DNAJC11: variants seen among roughly 807,000 people sequenced by gnomAD.
DNAJC11 encodes the protein DnaJ heat shock protein family (Hsp40) member C11.
In DNAJC11, 15 loss-of-function variants were observed where a neutral mutation model predicts 78.6. That is an observed-to-expected ratio of 0.19 (90% CI 0.13 to 0.29). The LOEUF (loss-of-function observed/expected upper bound fraction) is 0.29. DNAJC11 is among the 10% of genes least tolerant of loss of function. The pLI is 1.00. For synonymous variants in DNAJC11, 292 were observed against 272.1 expected (o/e 1.07, Z -0.72); for missense variants, 547 against 709.6 (o/e 0.77, Z 2.60).
intron 1 of DNAJC11, among the ~76,000 whole-genome samples, chr1:6,696,388 A>C (rs1642836336): frequency 6.6e-6 from 1 of 152,210 alleles, no homozygotes; most frequent in South Asian, 2.1e-4. Flanking sequence ...ATTTCTGCAG[A>C]TGGCTGAGTC....
Position 6,635,561 on chromosome 1 carries a change from T to TATA in DNAJC11, c.*111_*113dup. 2 of 1,142,374 alleles carry TATA rather than the reference T, an allele frequency of 1.8e-6. No individual in the cohort carries two copies. Among genetic ancestry groups the TATA allele is most frequent in the East Asian group, 5.1e-5 (2 of 38,882 alleles). The allele number at this position is 1,142,374 out of a possible 1,614,324, so 70.8% of individuals were successfully genotyped here. ...CATAATTGATAATGGTACCACCTTC[T>TATA]ATAATAATAATATAAAATAAAAACA... is the stretch of plus-strand genomic sequence containing the variant. On this transcript the variant is annotated 3_prime_UTR_variant, in exon 16 of 16. Coordinates refer to ENST00000377577, the MANE Select transcript of DNAJC11 (RefSeq NM_018198.4).
chr1:6,657,923 G>A (rs1449045158), intron 4 of DNAJC11, among the ~76,000 whole-genome samples: 3 of 152,234 alleles, frequency 2.0e-5, no homozygotes, highest in South Asian at 2.1e-4. Flanking sequence ...GGGATTACAG[G>A]CGTGAGCCCC....
chr1:6,676,235 A>G (rs1166207089), intron 3 of DNAJC11, among the ~76,000 whole-genome samples: 1 of 152,198 alleles, frequency 6.6e-6, no homozygotes, highest in Non-Finnish European at 1.5e-5. Flanking sequence ...CAAATTGGAC[A>G]GCCCAGCCCC....
At chr1:6,665,907 C>A (rs1227256993) in intron 4 of DNAJC11, among the ~76,000 whole-genome samples, 1 of 152,196 alleles carries the variant, frequency 6.6e-6, no homozygotes, top group African/African-American at 2.4e-5. Context: ...GCCAGACCTC[C>A]CTCCGGGCAC....
At chr1:6,640,132 C>T in intron 10 of DNAJC11, 75 bp from the exon 11 acceptor site, 1 of 1,468,760 alleles carries the variant, frequency 6.8e-7, no homozygotes, top group Non-Finnish European at 9.0e-7. Flanking sequence ...AATGGGGTGT[C>T]AGGCACAGGA....
chr1:6,677,034 G>A (rs1642474665), intron 3 of DNAJC11, among the ~76,000 whole-genome samples: 1 of 151,942 alleles, frequency 6.6e-6, no homozygotes, highest in Non-Finnish European at 1.5e-5. Flanking sequence ...TTAGCTGGGT[G>A]TAGTGGCGCA....
chr1:6,686,701 C>A (rs1177943860), intron 1 of DNAJC11, among the ~76,000 whole-genome samples: 2 of 152,208 alleles, frequency 1.3e-5, no homozygotes, highest in Admixed American at 6.5e-5. Flanking sequence ...AAGCAAAGAA[C>A]CAACCACATT....
Position 6,680,857 on chromosome 1 carries a change from ATCG to A in DNAJC11, c.202+48_202+50del. 1 of 1,596,572 alleles carries A rather than the reference ATCG, an allele frequency of 6.3e-7. No homozygotes were observed. Among genetic ancestry groups the A allele is most frequent in the Admixed American group, 1.7e-5 (1 of 58,272 alleles). ...CCTCTACAAATCGCACCTCCTAAAA[ATCG>A]AATATCTGTTACCAGGATGTTTCTA... On this transcript the variant is annotated intron_variant, in intron 2 of 15. Transcript: ENST00000377577. The surrounding 1 kb of genome is among the most constrained non-coding windows in gnomAD (Gnocchi z 4.0).
At chr1:6,665,718 G>A (rs1642283645) in intron 4 of DNAJC11, among the ~76,000 whole-genome samples, 1 of 152,030 alleles carries the variant, frequency 6.6e-6, no homozygotes, top group Non-Finnish European at 1.5e-5. Context: ...ACCCCCAGAT[G>A]GCCGATTTGA....
In DNAJC11 at chr1:6,645,766, G is replaced by T; in HGVS notation, c.894+23C>A. The T allele has an allele frequency of 6.2e-7, 1 of 1,611,672 alleles. No homozygotes were observed. The highest frequency in any genetic ancestry group is 8.5e-7 in the Non-Finnish European group (1 of 1,178,058). On this transcript the variant is annotated intron_variant, in intron 8 of 15. Coordinates refer to ENST00000377577, the MANE Select transcript of DNAJC11 (RefSeq NM_018198.4). This position sits in a 1 kb window ranked among gnomAD's most constrained non-coding sequence, Gnocchi z 4.1. The stretch of plus-strand genomic sequence containing the variant: ...GGTCCTCCCAGAGCTCTGTCTGCAG[G>T]AGATGATGGCTGCTCGGCTCACCTG...
chr1:6,639,784 C>G (rs1184830087), intron 11 of DNAJC11, 118 bp downstream of exon 11: 3 of 1,144,544 alleles, frequency 2.6e-6, no homozygotes, highest in Non-Finnish European at 3.6e-6. Flanking sequence ...ACATGCATTA[C>G]TTAATTCAGG....
Position 6,678,353 on chromosome 1 carries a change from T to A in DNAJC11, c.276+41A>T, listed in dbSNP as rs745533550. 1.7e-5 allele frequency: 27 copies of A among 1,573,958 alleles called. 1 individual carries two copies. The South Asian group carries it at 2.9e-4, about 17-fold the overall frequency. ...TTTGGGGAGATGTTCTGTAACTGTT[T>A]AATGACTTTTCTGGAACACCAGACG... On this transcript the variant is annotated intron_variant, in intron 3 of 15. Transcript: ENST00000377577.
Position 6,635,715 on chromosome 1 carries a change from A to T in DNAJC11, c.1655-15T>A. On this transcript the variant is annotated splice_polypyrimidine_tract_variant and intron_variant, in intron 15 of 15. Transcript: ENST00000377577. ...GATCCTGTGGGCTGTAAAGGAAAAGACAGACGCAGGTGATCAGAAGGTGGC... is the reference window on the plus strand; with the variant it reads ...GATCCTGTGGGCTGTAAAGGAAAAGTCAGACGCAGGTGATCAGAAGGTGGC... The T allele has an allele frequency of 6.2e-7, 1 of 1,614,170 alleles. No individual in the cohort carries two copies. Among genetic ancestry groups the T allele is most frequent in the South Asian group, 1.1e-5 (1 of 91,078 alleles).
chr1:6,639,244 G>A (rs1641835819), intron 11 of DNAJC11, among the ~76,000 whole-genome samples: 2 of 151,900 alleles, frequency 1.3e-5, no homozygotes, highest in South Asian at 4.2e-4. Flanking sequence ...TACGGATCCA[G>A]AACGCATTCC....
At chr1:6,649,147 ATCGGCT>A (rs917060248) in intron 7 of DNAJC11, among the ~76,000 whole-genome samples, 2 of 150,528 alleles carry the variant, frequency 1.3e-5, no homozygotes, top group African/African-American at 4.9e-5. Flanking sequence ...TGTGAGTCAC[ATCGGCT>A]CCTTTTCCTC....
chr1:6,643,965 G>A (rs1220822043), intron 10 of DNAJC11, among the ~76,000 whole-genome samples: 1 of 151,976 alleles, frequency 6.6e-6, no homozygotes, highest in East Asian at 1.9e-4. Flanking sequence ...CCGCCTCCTG[G>A]GTTCAAGCGA....
chr1:6,666,566 A>AT (rs987812429), intron 4 of DNAJC11, among the ~76,000 whole-genome samples: 4 of 151,026 alleles, frequency 2.6e-5, no homozygotes, highest in African/African-American at 9.7e-5. Context: ...TGCCTGGCTA[A>AT]TTTTTTTGTA....
intron 3 of DNAJC11, among the ~76,000 whole-genome samples, chr1:6,677,981 T>G (rs1187108974): frequency 6.6e-6 from 1 of 152,184 alleles, no homozygotes; most frequent in Non-Finnish European, 1.5e-5. Context: ...ACAGCAATTA[T>G]TCAGAACTGA....
intron 1 of DNAJC11, among the ~76,000 whole-genome samples, chr1:6,681,580 ACCAACCCTCCCCAAAACCC>A (rs1312554901): frequency 6.6e-6 from 1 of 152,184 alleles, no homozygotes; most frequent in African/African-American, 2.4e-5. Flanking sequence ...ACCTGTAGTA[ACCAACCCTCCCCAAAACCC>A]CCAGACCCCC....
Sources: gnomAD v4.1 joint callset for allele counts (sites outside exome capture counted in the v4.1 genomes callset) on GRCh38, gnomAD v4.1.1 for gene constraint, Gnocchi (gnomAD v3.1) non-coding constraint, MANE v1.5 for transcripts, NCBI Gene and HGNC (gene_info 2026-07-23, HGNC 2026-07-21) for gene names.